CTNNBL1: variants seen among roughly 807,000 people sequenced by gnomAD.
CTNNBL1 encodes catenin beta like 1.
In CTNNBL1, 31 loss-of-function variants were observed where a neutral mutation model predicts 72.7. The observed-to-expected ratio is 0.43, with a 90% CI of 0.32 to 0.58. The LOEUF (loss-of-function observed/expected upper bound fraction) is 0.58, where lower values mean the gene tolerates loss of function less well. Among genes scored for constraint, CTNNBL1 ranks in the 20% least tolerant of loss-of-function variants. CTNNBL1 has a pLI of 0.08. For synonymous variants in CTNNBL1, 240 were observed against 267.3 expected, an observed-to-expected ratio of 0.90 and a Z score of 1.00; for missense variants, 534 against 725.1, an observed-to-expected ratio of 0.74 and a Z score of 3.03.
Position 37,847,532 on chromosome 20 carries a change from T to C in CTNNBL1, c.1392+5113T>C, listed in dbSNP as rs544252282. On this transcript the variant is annotated intron_variant, in intron 13 of 15. Coordinates refer to ENST00000361383, the MANE Select transcript of CTNNBL1 (RefSeq NM_030877.5). Reference sequence around the variant, plus strand: ...GATTTCACCTGACTCTCCGAACGACTTGAAGCCCAGAAAATACTAAGATGC... The same window carrying C: ...GATTTCACCTGACTCTCCGAACGACCTGAAGCCCAGAAAATACTAAGATGC... Among the ~76,000 whole-genome samples, 4 of 152,288 alleles carry C rather than the reference T, an allele frequency of 2.6e-5. No homozygotes were observed. The East Asian group carries it at 7.7e-4, about 29-fold the overall frequency.
chr20:37,848,380 T>C (rs997494614), intron 13 of CTNNBL1, among the ~76,000 whole-genome samples: 6 of 152,082 alleles, frequency 3.9e-5, no homozygotes, highest in Non-Finnish European at 8.8e-5. Flanking sequence ...GTTCTCAAAC[T>C]CCTGTGCTCA....
Position 37,757,585 on chromosome 20 carries a change from C to T in CTNNBL1, c.493C>T (p.Leu165Phe), listed in dbSNP as rs780025985. ...TDVSIAVVDLLQELTDIDTLH... is the reference protein window; with the variant it reads ...TDVSIAVVDLFQELTDIDTLH... ...TGTGTCCATAGCTGTGGTCGATTTG[C>T]TTCAGGAATTAACAGATATAGACAC... The change falls in exon 5 of 16, where the codon CTT (leucine) becomes TTT (phenylalanine). Residue 165 changes from leucine to phenylalanine, a missense_variant. Leu to Phe is a conservative substitution (Grantham distance 22, BLOSUM62 0). Coordinates refer to ENST00000361383, the MANE Select transcript of CTNNBL1 (RefSeq NM_030877.5). The T allele has an allele frequency of 1.9e-6, 3 of 1,613,722 alleles. No homozygotes were observed. The highest frequency in any genetic ancestry group is 2.2e-5 in the South Asian group (2 of 91,070).
chr20:37,804,113 G>C (rs2071931096), intron 11 of CTNNBL1, among the ~76,000 whole-genome samples: 1 of 152,168 alleles, frequency 6.6e-6, no homozygotes, highest in Non-Finnish European at 1.5e-5. Flanking sequence ...AGCAAAAGAG[G>C]AACTGGCCTT....
intron 11 of CTNNBL1, among the ~76,000 whole-genome samples, chr20:37,824,220 A>G (rs1286726669): frequency 1.3e-5 from 2 of 152,232 alleles, no homozygotes; most frequent in Non-Finnish European, 2.9e-5. Flanking sequence ...GCATACTGCC[A>G]TTACAAGGAT....
At chr20:37,725,513 C>A (rs1288645211) in intron 1 of CTNNBL1, among the ~76,000 whole-genome samples, 2 of 130,038 alleles carry the variant, frequency 1.5e-5, no homozygotes, top group African/African-American at 5.9e-5. Flanking sequence ...TCAAGATGGT[C>A]TCGAACTCCT....
chr20:37,838,446 G>A (rs928179449), intron 11 of CTNNBL1, among the ~76,000 whole-genome samples: 5 of 152,206 alleles, frequency 3.3e-5, no homozygotes, highest in African/African-American at 9.6e-5. Flanking sequence ...GAGGTTTCTC[G>A]TGGGATGTGA....
intron 1 of CTNNBL1, among the ~76,000 whole-genome samples, chr20:37,723,812 A>C (rs2073061629): frequency 6.6e-6 from 1 of 152,210 alleles, no homozygotes; most frequent in Admixed American, 6.5e-5. Context: ...GGCTGATGAT[A>C]GTTGCAGCAT....
intron 13 of CTNNBL1, among the ~76,000 whole-genome samples, chr20:37,846,677 A>G (rs1260250409): frequency 6.6e-6 from 1 of 151,868 alleles, no homozygotes; most frequent in African/African-American, 2.4e-5. Context: ...CTGCTGCTGC[A>G]AGGTTTTGCA....
chr20:37,767,381 T>A (rs573682582), intron 6 of CTNNBL1, among the ~76,000 whole-genome samples: 3 of 152,236 alleles, frequency 2.0e-5, no homozygotes, highest in Admixed American at 2.0e-4. Context: ...CAATTATATT[T>A]GCTTCCTAGT....
chr20:37,736,610 G>A (rs574795256), intron 2 of CTNNBL1, among the ~76,000 whole-genome samples: 52 of 151,842 alleles, frequency 3.4e-4, no homozygotes, highest in African/African-American at 1.1e-3. Context: ...GCACAGTCTC[G>A]GCTCACTGCA....
At chr20:37,855,811 A>C (rs2122850039) in intron 13 of CTNNBL1, among the ~76,000 whole-genome samples, 1 of 152,328 alleles carries the variant, frequency 6.6e-6, no homozygotes, top group Middle Eastern at 3.4e-3. Flanking sequence ...CCTCCAAGGC[A>C]CAGTCCTTCC....
At position 37,721,087 on chromosome 20, in the gene CTNNBL1, G is replaced by A. The variant is rs6020470; in HGVS notation, c.31-11792G>A. On this transcript the variant is annotated intron_variant, in intron 1 of 15. Transcript: ENST00000361383. ...CCATTTTTTGTAGCACTGTTTGCAC[G>A]TACTCTATTCTAAGGCATCCGTTAA... 1.7e-3 allele frequency among the ~76,000 whole-genome samples: 266 copies of A among 152,292 alleles called. 3 individuals are homozygous for A. Among genetic ancestry groups the A allele is most frequent in the African/African-American group, 5.9e-3 (247 of 41,546 alleles).
intron 1 of CTNNBL1, among the ~76,000 whole-genome samples, chr20:37,728,305 G>T (rs918491596): frequency 2.0e-5 from 3 of 152,162 alleles, no homozygotes; most frequent in African/African-American, 7.2e-5. Flanking sequence ...ATGTTGAAAT[G>T]ATACTATTTT....
chr20:37,840,272 G>T, intron 12 of CTNNBL1, 73 bp downstream of exon 12: 1 of 1,151,342 alleles, frequency 8.7e-7, no homozygotes, highest in Admixed American at 1.8e-5. Context: ...TGATCTGAGG[G>T]ATACTGGGTT....
At chr20:37,747,742 T>A (rs1034814589) in intron 4 of CTNNBL1, among the ~76,000 whole-genome samples, 4 of 150,396 alleles carry the variant, frequency 2.7e-5, no homozygotes, top group Admixed American at 1.3e-4. Flanking sequence ...GCCTAGCTAA[T>A]TTTTTTTTTA....
chr20:37,794,997 C>A (rs2073759801), intron 10 of CTNNBL1, among the ~76,000 whole-genome samples: 1 of 151,860 alleles, frequency 6.6e-6, no homozygotes, highest in Admixed American at 6.6e-5. Context: ...TTTTTTCTGG[C>A]TGTCTTTAGG....
chr20:37,734,651 C>T (rs193193365), intron 2 of CTNNBL1, among the ~76,000 whole-genome samples: 1 of 152,304 alleles, frequency 6.6e-6, no homozygotes, highest in East Asian at 1.9e-4. Context: ...TTTCTCACTG[C>T]CACTGAAGTC....
chr20:37,781,681 A>G lies in CTNNBL1; in HGVS notation c.1031+2346A>G, dbSNP rs939179583. Among the ~76,000 whole-genome samples, 10 of 152,108 alleles carry G rather than the reference A, an allele frequency of 6.6e-5. No homozygotes were observed. In the East Asian group the frequency reaches 9.6e-4, roughly 15 times the overall value. ...TTAATTGGGATGGAATTTTTTTTCC[A>G]TACTATAGTCACCCTTTCTGATCTT... On this transcript the variant is annotated intron_variant, in intron 10 of 15. Transcript: ENST00000361383.
chr20:37,713,237 G>A (rs1484676483), intron 1 of CTNNBL1, among the ~76,000 whole-genome samples: 2 of 152,210 alleles, frequency 1.3e-5, no homozygotes, highest in African/African-American at 4.8e-5. Context: ...GCCAGTGGTT[G>A]CGTGGGGATT....
Sources: gnomAD v4.1 joint callset for allele counts (sites outside exome capture counted in the v4.1 genomes callset) on GRCh38, gnomAD v4.1.1 for gene constraint, MANE v1.5 for transcripts, NCBI Gene and HGNC (gene_info 2026-07-23, HGNC 2026-07-21) for gene names.